Variants in BRCA1 observed in about 807,000 individuals in gnomAD.
BRCA1 encodes the protein BRCA1 DNA repair associated, also known as breast cancer type 1 susceptibility protein.
BRCA1 carries 140 observed loss-of-function variants against 173.7 expected under a neutral mutation model. The ratio of observed to expected loss-of-function variants is 0.81; its 90% CI spans 0.70 to 0.93. BRCA1 has a LOEUF of 0.93. Ranked by LOEUF, BRCA1 falls within the 40% of genes least tolerant of loss-of-function variation. The pLI is 0.00. For synonymous variants in BRCA1, 662 were observed against 756.0 expected (o/e 0.88, Z 2.04); for missense variants, 1,983 against 2,172.5 (o/e 0.91, Z 1.73).
At chr17:43,073,155 G>T (rs999283120) in intron 14 of BRCA1, among the ~76,000 whole-genome samples, 3 of 151,852 alleles carry the variant, frequency 2.0e-5, no homozygotes, top group African/African-American at 4.8e-5. Context: ...AACATAACAA[G>T]ACCCGTGTCT....
At position 43,076,643 on chromosome 17, in the gene BRCA1, C is replaced by T. The variant is rs1469983215; in HGVS notation, c.4358-29G>A. 1 of 1,608,814 alleles carries T rather than the reference C, an allele frequency of 6.2e-7. No homozygotes were observed. The highest frequency in any genetic ancestry group is 8.5e-7 in the Non-Finnish European group (1 of 1,177,022). The stretch of plus-strand genomic sequence containing the variant: ...TAAATGGAATGAGAAAACAAATCTA[C>T]TTTACTGCTTTGTTCTGATAGTGAT... On this transcript the variant is annotated intron_variant, in intron 12 of 22. Transcript: ENST00000357654.
In BRCA1 at chr17:43,076,611, A is replaced by G. The variant is rs587782606; in HGVS notation, c.4361T>C (p.Val1454Ala). The G allele has an allele frequency of 3.7e-6, 6 of 1,613,236 alleles. No individual in the cohort carries two copies. Among genetic ancestry groups the G allele is most frequent in the Non-Finnish European group, 4.2e-6 (5 of 1,179,684 alleles). Residue 1454 changes from valine (V) to alanine (A), a missense_variant, in exon 13 of 23, where the codon GTA (valine) becomes GCA (alanine). Val to Ala is a moderately conservative substitution (Grantham distance 64). Coordinates refer to ENST00000357654, the MANE Select transcript of BRCA1 (RefSeq NM_007294.4). ...NPEQSTSEKA[V>A]LTSQKSSEYP... is the part of the protein sequence containing the mutation. The stretch of plus-strand genomic sequence containing the variant: ...TTCACTACTTTTCTGTGAAGTTAAT[A>G]CTGCTTTAAATGGAATGAGAAAACA...
At chr17:43,063,742 T>C (rs1024670743) in intron 17 of BRCA1, 132 bp downstream of exon 17, 3 of 727,982 alleles carry the variant, frequency 4.1e-6, no homozygotes, top group East Asian at 2.7e-5. Context: ...AAAAGTAGTT[T>C]AGTATTACAA....
At chr17:43,098,096 C>G (rs912547550) in intron 7 of BRCA1, among the ~76,000 whole-genome samples, 7 of 148,430 alleles carry the variant, frequency 4.7e-5, no homozygotes, top group Non-Finnish European at 7.4e-5. Context: ...ATGATCATAG[C>G]TCACTACAGC....
intron 18 of BRCA1, among the ~76,000 whole-genome samples, chr17:43,061,555 T>A (rs905175739): frequency 6.6e-6 from 1 of 150,950 alleles, no homozygotes; most frequent in African/African-American, 2.4e-5. Context: ...TATGAATACA[T>A]CGAATTGTGC....
Position 43,155,519 on chromosome 17 carries a change from C to G in BRCA1, c.-20+14607G>C, listed in dbSNP as rs183968879. On this transcript the variant is annotated intron_variant, in intron 1 of 7. Coordinates refer to the BRCA1 transcript ENST00000634433. ...GTGCTGGGATTACAAGTGTGAGCTA[C>G]TATGTCCAGTGAAACTTTTTTTGGG... is the stretch of plus-strand genomic sequence containing the variant. 2.1e-3 allele frequency among the ~76,000 whole-genome samples: 316 copies of G among 152,244 alleles called. 1 individual carries two copies. The highest frequency in any genetic ancestry group is 7.2e-3 in the African/African-American group (301 of 41,546).
intron 1 of BRCA1, chr17:43,138,846 G>A (rs1482074614): frequency 2.6e-6 from 2 of 778,884 alleles, no homozygotes; most frequent in East Asian, 2.4e-5. Context: ...CCAGCCTGGG[G>A]ACCGTGGGGC....
chr17:43,148,884 AATGAG>A (rs1280584585), intron 1 of BRCA1: 1 of 167,366 alleles, frequency 6.0e-6, no homozygotes, highest in Non-Finnish European at 1.5e-5. Flanking sequence ...TCATCTACCT[AATGAG>A]ATAACTTTTT....
chr17:43,054,852 C>G (rs2051393767), intron 19 of BRCA1, among the ~76,000 whole-genome samples: 1 of 151,812 alleles, frequency 6.6e-6, no homozygotes, highest in South Asian at 2.1e-4. Context: ...AACCGATTCT[C>G]TAGCCTCAGC....
rs8176135 is a variant in BRCA1, at chr17:43,104,302, A to G, written c.302-41T>C. ...GAAAACATTATGTTTGCAGTTAGAG[A>G]AAAATGTATGAATTATAATCAAAGA... is the stretch of plus-strand genomic sequence containing the variant. On this transcript the variant is annotated intron_variant, in intron 5 of 22. Coordinates refer to ENST00000357654, the MANE Select transcript of BRCA1 (RefSeq NM_007294.4). 1,473 of 1,589,052 alleles carry G rather than the reference A, an allele frequency of 9.3e-4. 31 individuals carry two copies. The South Asian group carries it at 0.016, about 17-fold the overall frequency.
Position 43,076,569 on chromosome 17 carries a change from T to C in BRCA1, c.4403A>G (p.Asn1468Ser), listed in dbSNP as rs778707598. 1.9e-6 allele frequency: 3 copies of C among 1,613,760 alleles called. No individual in the cohort carries two copies. The South Asian group carries it at 3.3e-5, about 18-fold the overall frequency. ...QKSSEYPISQ[N>S]PEGLSADKFE... ...CTTGTCAGCAGAAAGGCCTTCTGGA[T>C]TCTGGCTTATAGGGTATTCACTACT... Residue 1468 changes from asparagine to serine, a missense_variant, in exon 13 of 23, where the codon AAT becomes AGT. Physicochemically the swap from Asn to Ser is conservative, Grantham distance 46. Transcript: ENST00000357654.
chr17:43,138,411 C>T, intron 1 of BRCA1: 2 of 560,340 alleles, frequency 3.6e-6, no homozygotes, highest in African/African-American at 1.9e-5. Flanking sequence ...TGTGTGTCAC[C>T]TGCTGCCCAG....
chr17:43,100,655 A>ATATATATAT (rs1439612969), intron 6 of BRCA1, among the ~76,000 whole-genome samples: 1 of 26,422 alleles, frequency 3.8e-5, no homozygotes, highest in South Asian at 1.7e-3. Flanking sequence ...ACATATATAT[A>ATATATATAT]ACATATATAT....
Position 43,044,804 on chromosome 17 carries a change from CTT to C in BRCA1, c.*872_*873del, listed in dbSNP as rs59541324. 100,556 of 360,652 alleles carry C rather than the reference CTT, an allele frequency of 0.28. 3,232 individuals are homozygous for C. The highest frequency in any genetic ancestry group is 0.35 in the South Asian group (17,000 of 49,068). 22.3% of individuals were successfully genotyped at this position (360,652 alleles called of 1,614,324 possible). On this transcript the variant is annotated 3_prime_UTR_variant, in exon 23 of 23. Transcript: ENST00000357654. The stretch of plus-strand genomic sequence containing the variant: ...AGAAATCTCTTCTAGTTTCATTTTC[CTT>C]TTTTTTTTTTTTTTTTTGAGCCACA...
rs544988610 is a variant in BRCA1, at chr17:43,070,395, T to C, written c.4986+533A>G. On this transcript the variant is annotated intron_variant, in intron 15 of 22. Transcript: ENST00000357654. ...TTCCACAGTATGAAGCAATTCCCAT[T>C]TCTGGCATTAAGGACCCAAGGTGAT... Among the ~76,000 whole-genome samples the C allele has an allele frequency of 2.0e-5, 3 of 152,290 alleles. No individual in the cohort carries two copies. In the East Asian group the frequency reaches 5.8e-4, roughly 29 times the overall value.
rs145646123 is a variant in BRCA1, at chr17:43,146,246, C to T, written c.-19-22131G>A. On this transcript the variant is annotated intron_variant, in intron 1 of 7. Coordinates refer to the BRCA1 transcript ENST00000634433. Reference sequence around the variant, plus strand: ...TTCCAAATTTTAAGCTGGAAAGTCACTGGGATAACTTTTAAAAAGAATTAC... The same window carrying T: ...TTCCAAATTTTAAGCTGGAAAGTCATTGGGATAACTTTTAAAAAGAATTAC... Among the ~76,000 whole-genome samples the T allele has an allele frequency of 8.3e-3, 1,235 of 149,676 alleles. 9 individuals are homozygous for T. The highest frequency in any genetic ancestry group is 0.011 in the Non-Finnish European group (739 of 67,722).
chr17:43,130,982 C>G (rs1427731122), intron 1 of BRCA1, among the ~76,000 whole-genome samples: 1 of 152,108 alleles, frequency 6.6e-6, no homozygotes, highest in Non-Finnish European at 1.5e-5. Context: ...TTTATGTATA[C>G]TTTTTCCTGG....
At chr17:43,136,312 G>A (rs531659064) in intron 1 of BRCA1, among the ~76,000 whole-genome samples, 1 of 152,204 alleles carries the variant, frequency 6.6e-6, no homozygotes, top group Middle Eastern at 3.4e-3. Context: ...TTAAACATAA[G>A]ATCTAAAACC....
intron 1 of BRCA1, among the ~76,000 whole-genome samples, chr17:43,154,706 A>T (rs1435220158): frequency 6.6e-6 from 1 of 152,198 alleles, no homozygotes; most frequent in Non-Finnish European, 1.5e-5. Context: ...ATATTCAAGT[A>T]CTATTCTAGG....
Sources: gnomAD v4.1 joint callset for allele counts (sites outside exome capture counted in the v4.1 genomes callset) on GRCh38, gnomAD v4.1.1 for gene constraint, MANE v1.5 for transcripts, NCBI Gene and HGNC (gene_info 2026-07-23, HGNC 2026-07-21) for gene names.